SLC35E1: variants seen among roughly 807,000 people sequenced by gnomAD.
SLC35E1 encodes solute carrier family 35, member E1.
A neutral mutation model predicts 31.0 loss-of-function variants in SLC35E1; 12 were observed. That is an observed-to-expected ratio of 0.39 (90% confidence interval 0.25 to 0.63). SLC35E1 has a LOEUF of 0.63. Ranked by LOEUF, SLC35E1 falls within the 20% of genes least tolerant of loss-of-function variation. The pLI is 0.52. For synonymous variants in SLC35E1, 257 were observed against 264.1 expected (o/e 0.97, Z 0.26); for missense variants, 429 against 572.2 (o/e 0.75, Z 2.55).
intron 4 of SLC35E1, among the ~76,000 whole-genome samples, chr19:16,557,777 T>C (rs1222116628): frequency 6.6e-6 from 1 of 152,214 alleles, no homozygotes; most frequent in Admixed American, 6.6e-5. Flanking sequence ...TGCTGAGTAA[T>C]GCTCCACTGT....
intron 3 of SLC35E1, 134 bp downstream of exon 3, chr19:16,567,898 A>G (rs2085939840): frequency 7.8e-7 from 1 of 1,281,364 alleles, no homozygotes; most frequent in Non-Finnish European, 1.1e-6. Context: ...ACAGAAAATC[A>G]GCAGAATGGC....
At position 16,553,711 on chromosome 19, in the gene SLC35E1, T is replaced by C. The variant is rs1568270496; in HGVS notation, c.1201A>G (p.Asn401Asp). The C allele has an allele frequency of 1.3e-6, 2 of 1,590,884 alleles. No individual in the cohort carries two copies. The highest frequency in any genetic ancestry group is 1.7e-6 in the Non-Finnish European group (2 of 1,165,136). ...TCATAGCGGTTCAAACTGTACGAGT[T>C]TGGGTAGCTCTGCCGGCTGTATTGG... is the stretch of plus-strand genomic sequence containing the variant. Reference protein sequence around the residue: ...HFQYSRQSYPNSYSLNRYDV With the variant: ...HFQYSRQSYPDSYSLNRYDV The change falls in exon 6 of 6, where the codon AAC (asparagine) becomes GAC (aspartate). Residue 401 changes from asparagine (N) to aspartate (D), a missense_variant. Physicochemically the swap from Asn to Asp is conservative, Grantham distance 23. Transcript: ENST00000595753.
chr19:16,567,916 A>C, intron 3 of SLC35E1, 116 bp downstream of exon 3: 1 of 1,374,808 alleles, frequency 7.3e-7, no homozygotes, highest in Non-Finnish European at 9.6e-7. Flanking sequence ...GGCAATCAAG[A>C]TTTTTCTGCT....
chr19:16,561,451 C>T (rs2085906206), intron 4 of SLC35E1, among the ~76,000 whole-genome samples: 2 of 152,210 alleles, frequency 1.3e-5, no homozygotes, highest in South Asian at 2.1e-4. Flanking sequence ...CCAAGGCACT[C>T]TGAATTCTGG....
intron 4 of SLC35E1, chr19:16,557,171 T>C: frequency 2.9e-6 from 1 of 339,618 alleles, no homozygotes; most frequent in Non-Finnish European, 5.8e-6. Flanking sequence ...ATGGACTGAT[T>C]TGGCAGCACG....
At chr19:16,566,946 A>G (rs963117501) in intron 3 of SLC35E1, among the ~76,000 whole-genome samples, 2 of 152,258 alleles carry the variant, frequency 1.3e-5, no homozygotes, top group African/African-American at 4.8e-5. Flanking sequence ...TTGAGGCTGA[A>G]TTGGTATAAC....
chr19:16,559,445 CCTT>C (rs2085893033), intron 4 of SLC35E1, among the ~76,000 whole-genome samples: 2 of 139,278 alleles, frequency 1.4e-5, no homozygotes, highest in Admixed American at 1.4e-4. Context: ...TATGGCAAAA[CCTT>C]CTTTCTACAA....
chr19:16,569,259 G>A (rs1334638936), intron 2 of SLC35E1, among the ~76,000 whole-genome samples: 3 of 151,896 alleles, frequency 2.0e-5, no homozygotes, highest in Admixed American at 6.6e-5. Flanking sequence ...TCTTGACCTC[G>A]TGATCTGCCC....
intron 4 of SLC35E1, chr19:16,565,840 G>C (rs1377494003): frequency 6.2e-5 from 1 of 16,146 alleles, no homozygotes; most frequent in Non-Finnish European, 1.4e-4. Flanking sequence ...TTTTTTTTTT[G>C]GCCAGTGCAT....
chr19:16,562,622 G>A (rs1849329132), intron 4 of SLC35E1, among the ~76,000 whole-genome samples: 1 of 21,960 alleles, frequency 4.6e-5, no homozygotes, highest in Non-Finnish European at 8.7e-5. Context: ...CTTTATTATA[G>A]TATTTTGTTT....
chr19:16,570,893 T>G (rs2085954559), intron 2 of SLC35E1, among the ~76,000 whole-genome samples: 1 of 151,926 alleles, frequency 6.6e-6, no homozygotes, highest in African/African-American at 2.4e-5. Flanking sequence ...GGTCAGGAGT[T>G]TGAGACCAGC....
Position 16,555,766 on chromosome 19 carries a change from T to G in SLC35E1, c.757-369A>C, listed in dbSNP as rs1446932968. 2.3e-5 allele frequency: 6 copies of G among 262,778 alleles called. No homozygotes were observed. Among genetic ancestry groups the G allele is most frequent in the Non-Finnish European group, 4.4e-5 (6 of 135,430 alleles). The allele number at this position is 262,778 out of a possible 1,614,324, so 16.3% of individuals were successfully genotyped here. A position where few individuals can be genotyped will look rare whatever the true frequency, so the allele number is the denominator to read the frequency against. On this transcript the variant is annotated intron_variant, in intron 4 of 5. Coordinates refer to ENST00000595753, the MANE Select transcript of SLC35E1 (RefSeq NM_024881.5). The surrounding 1 kb of genome is among the most constrained non-coding windows in gnomAD (Gnocchi z 4.1). ...GTTGGACGCAATGCATTCTACAGGG[T>G]TGGAGGTCCTGGGAAGGTGGCTCTG...
At position 16,553,589 on chromosome 19, in the gene SLC35E1, G is replaced by C. The variant is rs2085856928; in HGVS notation, c.*90C>G. 8.1e-7 allele frequency: 1 copy of C among 1,239,448 alleles called. No individual in the cohort carries two copies. The highest frequency in any genetic ancestry group is 1.1e-6 in the Non-Finnish European group (1 of 909,836). The allele number at this position is 1,239,448 out of a possible 1,614,324, so 76.8% of individuals were successfully genotyped here. On this transcript the variant is annotated 3_prime_UTR_variant, in exon 6 of 6. Coordinates refer to ENST00000595753, the MANE Select transcript of SLC35E1 (RefSeq NM_024881.5). ...AGTTATGCACCGTCCCCTCGGCTGG[G>C]TTGTACATTCACTGATTGTCAGAAG...
intron 4 of SLC35E1, among the ~76,000 whole-genome samples, chr19:16,561,038 T>TAA (rs796591473): frequency 1.4e-4 from 19 of 132,338 alleles, no homozygotes; most frequent in African/African-American, 5.0e-4. Context: ...CCATCTCTAC[T>TAA]AAAAAAAAAA....
rs369873205 is a variant in SLC35E1 at position 16,554,948 on chromosome 19, C to T, written c.1002+204G>A. Among the ~76,000 whole-genome samples, 16 of 152,210 alleles carry T rather than the reference C, an allele frequency of 1.1e-4. No individual in the cohort carries two copies. The South Asian group carries it at 2.1e-3, about 20-fold the overall frequency. ...GGGAAAACCCCAGCTGAGACACAGC[C>T]GGAATGATTTGAGGACCTGAGGTTG... On this transcript the variant is annotated intron_variant, in intron 5 of 5. Coordinates refer to ENST00000595753, the MANE Select transcript of SLC35E1 (RefSeq NM_024881.5).
chr19:16,552,801 C>T lies in SLC35E1; in HGVS notation c.*878G>A, dbSNP rs973861405. On this transcript the variant is annotated 3_prime_UTR_variant, in exon 6 of 6. Coordinates refer to ENST00000595753, the MANE Select transcript of SLC35E1 (RefSeq NM_024881.5). ...AAATCAAGATCTCTCTACCAAACAA[C>T]ATACCAAGTCATCACAGAAGAGGTG... 6.6e-6 allele frequency: 1 copy of T among 152,216 alleles called. No individual in the cohort carries two copies. Among genetic ancestry groups the T allele is most frequent in the Non-Finnish European group, 1.5e-5 (1 of 68,050 alleles). 9.4% of individuals were successfully genotyped at this position (152,216 alleles called of 1,614,324 possible).
At chr19:16,561,334 C>G (rs949620622) in intron 4 of SLC35E1, among the ~76,000 whole-genome samples, 2 of 151,722 alleles carry the variant, frequency 1.3e-5, no homozygotes, top group Admixed American at 1.3e-4. Context: ...AGACTCCAAG[C>G]AGAGAACATC....
intron 5 of SLC35E1, among the ~76,000 whole-genome samples, chr19:16,554,255 G>T (rs2085862124): frequency 7.5e-6 from 1 of 133,036 alleles, no homozygotes; most frequent in Non-Finnish European, 1.5e-5. Flanking sequence ...GACAGAGCAA[G>T]ACGCTGTCTC....
intron 4 of SLC35E1, among the ~76,000 whole-genome samples, chr19:16,558,808 C>T (rs558823368): frequency 8.4e-5 from 12 of 143,404 alleles, no homozygotes; most frequent in Non-Finnish European, 1.5e-4. Context: ...CTCGCTCTGT[C>T]GCCCAGGCTG....
Sources: gnomAD v4.1 joint callset for allele counts (sites outside exome capture counted in the v4.1 genomes callset) on GRCh38, gnomAD v4.1.1 for gene constraint, Gnocchi (gnomAD v3.1) non-coding constraint, MANE v1.5 for transcripts, NCBI Gene and HGNC (gene_info 2026-07-23, HGNC 2026-07-21) for gene names.